The following CCDC60 variants were observed in gnomAD, a reference collection of about 807,000 sequenced individuals.
CCDC60 encodes coiled-coil domain-containing protein 60.
A neutral mutation model predicts 63.5 loss-of-function variants in CCDC60; 54 were observed. The observed-to-expected ratio is 0.85, with a 90% CI of 0.68 to 1.07. The LOEUF (loss-of-function observed/expected upper bound fraction) is 1.07, where lower values mean the gene tolerates loss of function less well. Among genes scored for constraint, CCDC60 ranks in the 50% least tolerant of loss-of-function variants. The pLI is 0.00. For synonymous variants in CCDC60, 206 were observed against 238.8 expected (o/e 0.86, Z 1.27); for missense variants, 651 against 684.3 (o/e 0.95, Z 0.54).
intron 2 of CCDC60, among the ~76,000 whole-genome samples, chr12:119,469,538 G>C (rs1192475664): frequency 6.6e-6 from 1 of 152,158 alleles, no homozygotes; most frequent in Non-Finnish European, 1.5e-5. Context: ...GAGATTATAG[G>C]CATGAACAAC....
intron 2 of CCDC60, among the ~76,000 whole-genome samples, chr12:119,455,803 CAGAAGA>C (rs113782975): frequency 4.7e-4 from 58 of 122,442 alleles, no homozygotes; most frequent in South Asian, 7.9e-4. Flanking sequence ...AGAAGAAAAA[CAGAAGA>C]AGAAGAAAAG....
At chr12:119,365,692 G>A (rs1321741480) in intron 1 of CCDC60, among the ~76,000 whole-genome samples, 1 of 152,178 alleles carries the variant, frequency 6.6e-6, no homozygotes, top group Non-Finnish European at 1.5e-5. Flanking sequence ...AGCAAAGAAC[G>A]CTGCCTGAAC....
chr12:119,470,298 T>C (rs1951031362), intron 2 of CCDC60, among the ~76,000 whole-genome samples: 1 of 152,216 alleles, frequency 6.6e-6, no homozygotes, highest in African/African-American at 2.4e-5. Context: ...TTGTGGGTGT[T>C]CTTCCTCCAT....
At chr12:119,346,171 G>T (rs1311063016) in intron 1 of CCDC60, among the ~76,000 whole-genome samples, 1 of 151,606 alleles carries the variant, frequency 6.6e-6, no homozygotes, top group African/African-American at 2.4e-5. Flanking sequence ...TGATTTCTTT[G>T]TCTTCATCTG....
At chr12:119,418,829 C>A (rs1333129812) in intron 1 of CCDC60, among the ~76,000 whole-genome samples, 3 of 152,178 alleles carry the variant, frequency 2.0e-5, no homozygotes, top group Non-Finnish European at 4.4e-5. Flanking sequence ...GTTGTTGTGT[C>A]CCCTTGGTGT....
chr12:119,493,697 A>G (rs1393401920), intron 5 of CCDC60, among the ~76,000 whole-genome samples: 1 of 152,214 alleles, frequency 6.6e-6, no homozygotes, highest in African/African-American at 2.4e-5. Context: ...CAACCCTTCA[A>G]TAATGAATGT....
intron 7 of CCDC60, among the ~76,000 whole-genome samples, chr12:119,509,276 A>G (rs1283737246): frequency 6.6e-6 from 1 of 152,172 alleles, no homozygotes; most frequent in African/African-American, 2.4e-5. Flanking sequence ...TTAAAGATTA[A>G]GATGTTTTAC....
chr12:119,396,219 T>C (rs777452122), intron 1 of CCDC60, among the ~76,000 whole-genome samples: 27 of 152,166 alleles, frequency 1.8e-4, no homozygotes, highest in Non-Finnish European at 3.2e-4. Flanking sequence ...ACTACAAGCG[T>C]GAGCCACCAA....
In CCDC60 at chr12:119,410,383, T is replaced by TA. The variant is rs1221121154; in HGVS notation, c.91-18293dup. Among the ~76,000 whole-genome samples the TA allele has an allele frequency of 1.3e-5, 2 of 152,002 alleles. No homozygotes were observed. The highest frequency in any genetic ancestry group is 2.4e-5 in the African/African-American group (1 of 41,394). On this transcript the variant is annotated intron_variant, in intron 1 of 13. Coordinates refer to ENST00000327554, the MANE Select transcript of CCDC60 (RefSeq NM_178499.5). This position sits in a 1 kb window ranked among gnomAD's most constrained non-coding sequence, Gnocchi z 4.0. ...AACCATTTGAAAATACTACTTGCTT[T>TA]AAAAAAACTAAAGTAATAAAAAATG... is the stretch of plus-strand genomic sequence containing the variant.
intron 4 of CCDC60, among the ~76,000 whole-genome samples, chr12:119,485,354 G>C (rs945439436): frequency 6.6e-6 from 1 of 152,210 alleles, no homozygotes; most frequent in Non-Finnish European, 1.5e-5. Context: ...GAACAGACAG[G>C]ACAACTCCAG....
In CCDC60 at chr12:119,471,893, C is replaced by T. The variant is rs997455325; in HGVS notation, c.171-101C>T. 1.7e-5 allele frequency: 16 copies of T among 925,086 alleles called. No homozygotes were observed. In the African/African-American group the frequency reaches 2.4e-4, roughly 14 times the overall value. 57.3% of individuals were successfully genotyped at this position (925,086 alleles called of 1,614,324 possible). A position where few individuals can be genotyped will look rare whatever the true frequency, so the allele number is the denominator to read the frequency against. The stretch of plus-strand genomic sequence containing the variant: ...CTCTATCCCTCTTTATCTCTCTTTT[C>T]TCTTTCCTCTCTCTCTTTCTTTCTC... On this transcript the variant is annotated intron_variant, in intron 2 of 13. Coordinates refer to ENST00000327554, the MANE Select transcript of CCDC60 (RefSeq NM_178499.5).
chr12:119,384,940 G>GC (rs906104357), intron 1 of CCDC60, among the ~76,000 whole-genome samples: 35 of 152,348 alleles, frequency 2.3e-4, no homozygotes, highest in Non-Finnish European at 3.7e-4. Context: ...CATTGAGTGG[G>GC]GGGGCTGATA....
chr12:119,448,556 A>G (rs949489171), intron 2 of CCDC60, among the ~76,000 whole-genome samples: 4 of 152,208 alleles, frequency 2.6e-5, no homozygotes, highest in Non-Finnish European at 4.4e-5. Flanking sequence ...TGATTTTCCA[A>G]GCCTGAGCTT....
intron 5 of CCDC60, among the ~76,000 whole-genome samples, chr12:119,496,960 T>G (rs1006704244): frequency 6.6e-6 from 1 of 152,114 alleles, no homozygotes; most frequent in African/African-American, 2.4e-5. Context: ...CTCAGCAGTT[T>G]AAGGCAAAAA....
intron 7 of CCDC60, among the ~76,000 whole-genome samples, chr12:119,507,488 A>T (rs962148223): frequency 7.0e-6 from 1 of 143,152 alleles, no homozygotes; most frequent in African/African-American, 2.6e-5. Flanking sequence ...ATATATACAC[A>T]TATATACATA....
rs146527204 is a variant in CCDC60 at position 119,487,011 on chromosome 12, G to C, written c.450-1748G>C. On this transcript the variant is annotated intron_variant, in intron 4 of 13. Transcript: ENST00000327554. ...TTAAGAGGAGAAATCTTGCGGGGAG[G>C]GGGGTGGCTGGCCAGGACTCCACCT... 8.5e-4 allele frequency among the ~76,000 whole-genome samples: 129 copies of C among 152,194 alleles called. 1 individual carries two copies. The South Asian group carries it at 0.016, about 19-fold the overall frequency.
rs116730272 is a variant in CCDC60, at chr12:119,385,137, C to G, written c.91-43546C>G. ...GTGTCCCATAGGTAGAATATTGACT[C>G]CTTGAGGACAAGGACTGTGCTGGAA... On this transcript the variant is annotated intron_variant, in intron 1 of 13. Coordinates refer to ENST00000327554, the MANE Select transcript of CCDC60 (RefSeq NM_178499.5). Among the ~76,000 whole-genome samples, 1,088 of 152,298 alleles carry G rather than the reference C, an allele frequency of 7.1e-3. 3 individuals are homozygous for G. Among genetic ancestry groups the G allele is most frequent in the African/African-American group, 0.025 (1,031 of 41,562 alleles).
chr12:119,523,656 G>A, intron 10 of CCDC60, 37 bp from the exon 11 acceptor site: 1 of 1,611,298 alleles, frequency 6.2e-7, no homozygotes, highest in Non-Finnish European at 8.5e-7. Context: ...ACATCCCTGG[G>A]CTCCATTCCC....
Position 119,414,060 on chromosome 12 carries a change from C to T in CCDC60, c.91-14623C>T, listed in dbSNP as rs186315329. On this transcript the variant is annotated intron_variant, in intron 1 of 13. Transcript: ENST00000327554. ...TTTAGATGGTATCTCACTCTGTCAC[C>T]CAGGCTGGAGTGCAGTGGTGCGATC... Among the ~76,000 whole-genome samples the T allele has an allele frequency of 6.1e-3, 926 of 152,110 alleles. 6 individuals carry two copies. The highest frequency in any genetic ancestry group is 9.1e-3 in the Non-Finnish European group (618 of 68,000).
Sources: allele counts gnomAD v4.1 joint callset (sites outside exome capture counted in the v4.1 genomes callset), GRCh38; gene constraint gnomAD v4.1.1; non-coding constraint Gnocchi (gnomAD v3.1); transcripts MANE v1.5; gene names NCBI Gene and HGNC (gene_info 2026-07-23, HGNC 2026-07-21).